Variants in EYA3 observed in about 807,000 individuals in gnomAD.
EYA3 encodes the protein EYA transcriptional coactivator and phosphatase 3.
A neutral mutation model predicts 80.0 loss-of-function variants in EYA3; 39 were observed. The ratio of observed to expected loss-of-function variants is 0.49; its 90% CI spans 0.38 to 0.64. EYA3 has a LOEUF of 0.64. Ranked by LOEUF, EYA3 falls within the 30% of genes least tolerant of loss-of-function variation. EYA3 has a pLI of 0.00. For synonymous variants in EYA3, 206 were observed against 232.8 expected (o/e 0.88, Z 1.05); for missense variants, 523 against 676.1 (o/e 0.77, Z 2.51).
intron 1 of EYA3, among the ~76,000 whole-genome samples, chr1:28,082,928 G>A (rs1033158184): frequency 9.2e-5 from 14 of 152,068 alleles, no homozygotes; most frequent in East Asian, 3.8e-4. Context: ...GAGAAACATC[G>A]GTAGTAAAAG....
At chr1:28,058,903 G>A (rs537421347) in intron 1 of EYA3, among the ~76,000 whole-genome samples, 2 of 152,266 alleles carry the variant, frequency 1.3e-5, no homozygotes, top group Admixed American at 6.5e-5. Flanking sequence ...TTATAAAAAT[G>A]AAATACTCCA....
intron 16 of EYA3, among the ~76,000 whole-genome samples, chr1:27,984,939 T>C (rs9661788): frequency 0.068 from 10,342 of 152,246 alleles, 620 homozygotes; most frequent in East Asian, 0.25. Flanking sequence ...AATAAAAATA[T>C]TGTTAGACCA....
chr1:28,033,255 C>CA (rs1454250003), intron 6 of EYA3, among the ~76,000 whole-genome samples: 1 of 151,760 alleles, frequency 6.6e-6, no homozygotes, highest in African/African-American at 2.4e-5. Context: ...AACACATTAC[C>CA]AAAAAAAGCC....
chr1:27,970,409 G>A lies in EYA3; in HGVS notation c.*4057C>T, dbSNP rs1238258582. The stretch of plus-strand genomic sequence containing the variant: ...TAGTTCCCATTACATATAACATTAC[G>A]GTCACGGATTCTACAGCCACAAATG... On this transcript the variant is annotated 3_prime_UTR_variant, in exon 18 of 18. Coordinates refer to ENST00000373871, the MANE Select transcript of EYA3 (RefSeq NM_001990.4). 2 of 152,016 alleles carry A rather than the reference G, an allele frequency of 1.3e-5. No homozygotes were observed. The highest frequency in any genetic ancestry group is 3.8e-4 in the East Asian group (2 of 5,202). The allele number at this position is 152,016 out of a possible 1,614,324, so 9.4% of individuals were successfully genotyped here. A position where few individuals can be genotyped will look rare whatever the true frequency, so the allele number is the denominator to read the frequency against.
intron 1 of EYA3, among the ~76,000 whole-genome samples, chr1:28,069,049 C>T (rs1202675183): frequency 4.6e-5 from 7 of 151,640 alleles, no homozygotes; most frequent in Admixed American, 2.0e-4. Context: ...TCAAGTGATC[C>T]GCCCGCCTTG....
At chr1:28,059,715 A>ATTTTTTTTTTTTTTTTTT in intron 1 of EYA3, among the ~76,000 whole-genome samples, 1 of 113,616 alleles carries the variant, frequency 8.8e-6, no homozygotes, top group Non-Finnish European at 1.8e-5. Context: ...CATTTGTTGG[A>ATTTTTTTTTTTTTTTTTT]TTTTTTTTTT....
At chr1:28,085,364 A>G (rs111839613) in intron 1 of EYA3, among the ~76,000 whole-genome samples, 2,436 of 152,230 alleles carry the variant, frequency 0.016, 48 homozygotes, top group Middle Eastern at 0.051. Flanking sequence ...TGGGAGGATG[A>G]CTTCAGCCCA....
chr1:28,085,680 AAAGTAGAAATTTTTGT>A (rs1645625574), intron 1 of EYA3, among the ~76,000 whole-genome samples: 1 of 152,262 alleles, frequency 6.6e-6, no homozygotes, highest in African/African-American at 2.4e-5. Flanking sequence ...GCTACCAACT[AAAGTAGAAATTTTTGT>A]AGAAAATCAA....
chr1:28,055,337 A>G (rs1431422234), intron 2 of EYA3, among the ~76,000 whole-genome samples: 5 of 152,290 alleles, frequency 3.3e-5, no homozygotes, highest in South Asian at 2.1e-4. Flanking sequence ...TTGCATTTTT[A>G]GAAGGTGATT....
At chr1:28,078,526 A>G (rs1645304265) in intron 1 of EYA3, among the ~76,000 whole-genome samples, 1 of 151,938 alleles carries the variant, frequency 6.6e-6, no homozygotes, top group South Asian at 2.1e-4. Context: ...AGTACTTTTA[A>G]TATATTAACT....
At position 27,994,028 on chromosome 1, in the gene EYA3, G is replaced by T. The variant is rs547465082; in HGVS notation, c.1143-468C>A. On this transcript the variant is annotated intron_variant, in intron 13 of 17. Transcript: ENST00000373871. ...ATTTCCTTAAGTGATCTGCTGGCTG[G>T]TTTATGTTCATAGGTCACTGTGGTA... Among the ~76,000 whole-genome samples, 3 of 152,328 alleles carry T rather than the reference G, an allele frequency of 2.0e-5. No individual in the cohort carries two copies. In the East Asian group the frequency reaches 5.8e-4, roughly 29 times the overall value.
In EYA3 at chr1:27,993,406, C is replaced by T. The variant is rs199508870; in HGVS notation, c.1297G>A (p.Val433Met). Residue 433 changes from valine to methionine, a missense_variant, in exon 14 of 18, where the codon GTG becomes ATG. By Grantham distance (21) the Val-to-Met change is conservative. Around this residue, in one of 2 missense-constraint regions of EYA3, gnomAD observed 219 missense variants for 332.8 expected, o/e 0.66. Transcript: ENST00000373871. Reference sequence around the variant, plus strand: ...GGTTATATGCCACACTTACCACCCACGTTGCTTTTATGCTTATCATAGATT... The same window carrying T: ...GGTTATATGCCACACTTACCACCCATGTTGCTTTTATGCTTATCATAGATT... ...REIYDKHKSN[V>M]GGLLSPQRKE... 25 of 1,613,248 alleles carry T rather than the reference C, an allele frequency of 1.5e-5. No homozygotes were observed. The highest frequency in any genetic ancestry group is 1.1e-4 in the East Asian group (5 of 44,840).
At chr1:28,010,858 A>C (rs1641644388) in intron 10 of EYA3, 89 bp downstream of exon 10, 9 of 1,488,812 alleles carry the variant, frequency 6.0e-6, no homozygotes, top group Non-Finnish European at 7.3e-6. Flanking sequence ...CATAGTGCAC[A>C]TTATCTCTGT....
intron 7 of EYA3, among the ~76,000 whole-genome samples, chr1:28,025,219 A>C (rs1175988528): frequency 6.6e-6 from 1 of 152,246 alleles, no homozygotes; most frequent in East Asian, 1.9e-4. Flanking sequence ...TCATCAGAAT[A>C]AATGGCAAAA....
chr1:28,005,113 G>C (rs11247737), intron 10 of EYA3, among the ~76,000 whole-genome samples: 10,348 of 152,184 alleles, frequency 0.068, 616 homozygotes, highest in East Asian at 0.25. Context: ...GAAATACATA[G>C]CATAAAGTAC....
chr1:28,024,142 G>A (rs926649976), intron 7 of EYA3, among the ~76,000 whole-genome samples: 3 of 152,090 alleles, frequency 2.0e-5, no homozygotes, highest in African/African-American at 7.2e-5. Context: ...AGGAGGCTGA[G>A]GCAGAAGATG....
In EYA3 at chr1:28,035,675, T is replaced by A. The variant is rs1157876109; in HGVS notation, c.230A>T (p.Tyr77Phe). 3.1e-6 allele frequency: 5 copies of A among 1,610,570 alleles called. No individual in the cohort carries two copies. In the African/African-American group the frequency reaches 6.7e-5, roughly 22 times the overall value. Residue 77 changes from tyrosine to phenylalanine, a missense_variant, in exon 6 of 18, where the codon TAT (tyrosine) becomes TTT (phenylalanine). Around this residue, in one of 2 missense-constraint regions of EYA3, gnomAD observed 304 missense variants for 343.3 expected, o/e 0.89. Coordinates refer to ENST00000373871, the MANE Select transcript of EYA3 (RefSeq NM_001990.4). Reference sequence around the variant, plus strand: ...AACAGGAACTGAGAGAATATGTGCATAAGGTCTGGAAAATTTCATGAAAAC... The same window carrying A: ...AACAGGAACTGAGAGAATATGTGCAAAAGGTCTGGAAAATTTCATGAAAAC... Reference protein sequence around the residue: ...YTSQMYSAKPYAHILSVPVSE... With the variant: ...YTSQMYSAKPFAHILSVPVSE...
At chr1:28,021,512 A>G (rs1318721190) in intron 7 of EYA3, among the ~76,000 whole-genome samples, 1 of 152,150 alleles carries the variant, frequency 6.6e-6, no homozygotes, top group Non-Finnish European at 1.5e-5. Context: ...CATCTAGCAA[A>G]GCACCTGACA....
chr1:28,035,400 C>T, intron 6 of EYA3, 144 bp downstream of exon 6: 2 of 752,634 alleles, frequency 2.7e-6, no homozygotes, highest in Non-Finnish European at 4.3e-6. Context: ...TTTTTTATTA[C>T]ATGCATCAAA....
Sources: gnomAD v4.1 joint callset for allele counts (sites outside exome capture counted in the v4.1 genomes callset) on GRCh38, gnomAD v4.1.1 for gene constraint, gnomAD v4.1.1 regional missense constraint, MANE v1.5 for transcripts, NCBI Gene and HGNC (gene_info 2026-07-23, HGNC 2026-07-21) for gene names.